Variants in ATRX observed in about 807,000 individuals in gnomAD.
ATRX encodes the protein chromatin remodeler ATRX.
ATRX carries 12 observed loss-of-function variants against 172.6 expected under a neutral mutation model. That is an observed-to-expected ratio of 0.07 (90% confidence interval 0.04 to 0.11). The LOEUF (loss-of-function observed/expected upper bound fraction) is 0.11. Ranked by LOEUF, ATRX falls within the 10% of genes least tolerant of loss-of-function variation. The pLI is 1.00. For missense variants in ATRX, 1,368 were observed against 1,767.4 expected (o/e 0.77, Z 4.05); for synonymous variants, 674 against 594.7 (o/e 1.13, Z -1.94).
intron 28 of ATRX, among the ~76,000 whole-genome samples, chrX:77,572,370 A>T (rs1440385687): frequency 9.0e-6 from 1 of 111,525 alleles, no homozygotes; most frequent in Non-Finnish European, 1.9e-5. Context: ...CAAAAATCTG[A>T]AAAAAATCCC....
intron 10 of ATRX, 151 bp downstream of exon 10, chrX:77,676,071 CCTTT>C (rs2070847678): frequency 2.2e-6 from 1 of 446,339 alleles, no homozygotes; most frequent in Admixed American, 3.8e-5. Flanking sequence ...CATTTTCTGG[CCTTT>C]CTTTCAAACT....
intron 25 of ATRX, chrX:77,595,450 A>T (rs999953559): frequency 8.9e-6 from 1 of 112,019 alleles, no homozygotes; most frequent in African/African-American, 3.2e-5. Flanking sequence ...ACCATAAAGT[A>T]TGTGAGGTGA....
Position 77,717,111 on chromosome X carries a change from C to T in ATRX, c.133+20G>A. Reference sequence around the variant, plus strand: ...ATAGAAAAAAGACTAGAAGGTATAGCACATTCTTTTTCAATTTACCTGTGT... The same window carrying T: ...ATAGAAAAAAGACTAGAAGGTATAGTACATTCTTTTTCAATTTACCTGTGT... On this transcript the variant is annotated intron_variant, in intron 2 of 34. Transcript: ENST00000373344. The T allele has an allele frequency of 1.8e-6, 2 of 1,138,979 alleles. No homozygotes were observed. Among genetic ancestry groups the T allele is most frequent in the Non-Finnish European group, 2.4e-6 (2 of 830,599 alleles). 93.9% of individuals were successfully genotyped at this position (1,138,979 alleles called of 1,213,427 possible). A position where few individuals can be genotyped will look rare whatever the true frequency, so the allele number is the denominator to read the frequency against.
rs1403380558 is a variant in ATRX at position 77,671,185 on chromosome X, T to TATATA, written c.3809+5036_3809+5040dup. Among the ~76,000 whole-genome samples the TATATA allele has an allele frequency of 3.5e-5, 3 of 85,951 alleles. No individual in the cohort carries two copies. In the Admixed American group the frequency reaches 4.2e-4, roughly 12 times the overall value. The allele number at this position is 85,951 out of a possible 115,157, so 74.6% of individuals were successfully genotyped here. A position where few individuals can be genotyped will look rare whatever the true frequency, so the allele number is the denominator to read the frequency against. On this transcript the variant is annotated intron_variant, in intron 10 of 34. Coordinates refer to ENST00000373344, the MANE Select transcript of ATRX (RefSeq NM_000489.6). Reference sequence around the variant, plus strand: ...AAAAAAAAATATATATATATATATATATATATATATAAAACTAAGGCATAA... The same window carrying TATATA: ...AAAAAAAAATATATATATATATATATATATAATATATATATAAAACTAAGGCATAA...
chrX:77,565,486 C>T (rs782705563), intron 28 of ATRX, among the ~76,000 whole-genome samples: 2 of 111,639 alleles, frequency 1.8e-5, no homozygotes, highest in East Asian at 5.6e-4. Flanking sequence ...GCCTCATAAG[C>T]AATTATTAAC....
At chrX:77,694,841 G>A (rs782394279) in intron 5 of ATRX, among the ~76,000 whole-genome samples, 11 of 87,511 alleles carry the variant, frequency 1.3e-4, no homozygotes, top group African/African-American at 4.9e-4. Context: ...TATTCAACAA[G>A]CAAATTTTGA....
intron 12 of ATRX, among the ~76,000 whole-genome samples, chrX:77,660,162 T>C (rs1402657645): frequency 8.9e-6 from 1 of 112,070 alleles, no homozygotes; most frequent in African/African-American, 3.2e-5. Flanking sequence ...AAATCAATAT[T>C]GCCCCTTTTG....
chrX:77,774,083 G>A (rs782260445), intron 1 of ATRX, among the ~76,000 whole-genome samples: 3 of 110,482 alleles, frequency 2.7e-5, no homozygotes, highest in South Asian at 3.8e-4. Flanking sequence ...TTAGCCGTGC[G>A]TGGTGGGGCA....
chrX:77,678,221 C>CA (rs1313220025), intron 9 of ATRX, among the ~76,000 whole-genome samples: 61 of 52,694 alleles, frequency 1.2e-3, no homozygotes, highest in African/African-American at 2.0e-3. Context: ...GACTTCAACT[C>CA]AAAAAAAAAA....
intron 30 of ATRX, among the ~76,000 whole-genome samples, chrX:77,538,230 A>AACAC (rs34675782): frequency 0.048 from 4,566 of 95,906 alleles, 236 homozygotes; most frequent in African/African-American, 0.15. Flanking sequence ...TACACACACA[A>AACAC]ACACACACAC....
At chrX:77,546,105 C>T (rs1602474677) in intron 30 of ATRX, among the ~76,000 whole-genome samples, 1 of 111,534 alleles carries the variant, frequency 9.0e-6, no homozygotes, top group East Asian at 2.8e-4. Flanking sequence ...CAAGCTTAAT[C>T]ATATAGAATA....
At chrX:77,775,235 C>A (rs918005061) in intron 1 of ATRX, among the ~76,000 whole-genome samples, 18 of 111,551 alleles carry the variant, frequency 1.6e-4, no homozygotes, top group Non-Finnish European at 3.0e-4. Context: ...CTGGATGAAG[C>A]ACATCTGAGA....
chrX:77,510,659 C>A (rs782744044), intron 34 of ATRX, among the ~76,000 whole-genome samples: 1 of 111,952 alleles, frequency 8.9e-6, no homozygotes, highest in South Asian at 3.7e-4. Flanking sequence ...CCAGGCAATA[C>A]CTGCTGTGGG....
In ATRX at chrX:77,664,726, C is replaced by T. The variant is rs781807770; in HGVS notation, c.3862G>A (p.Glu1288Lys). The T allele has an allele frequency of 8.3e-7, 1 of 1,208,598 alleles. No homozygotes were observed. The highest frequency in any genetic ancestry group is 1.1e-6 in the Non-Finnish European group (1 of 893,205). ...EEIKANLSSDEDGSSDDEPEE... is the reference protein window; with the variant it reads ...EEIKANLSSDKDGSSDDEPEE... ...GGCTCATCATCTGAAGATCCATCCT[C>T]ATCAGAGGAAAGATTGGCTTTAATT... is the stretch of plus-strand genomic sequence containing the variant. Residue 1288 changes from glutamate to lysine, a missense_variant, in exon 11 of 35, where the codon GAG (glutamate) becomes AAG (lysine). Physicochemically the swap from Glu to Lys is moderately conservative, Grantham distance 56. This residue lies in a region of ATRX where 119 missense variants were observed against 131.3 expected (regional missense o/e 0.91). Transcript: ENST00000373344.
chrX:77,642,653 AAAAAAAC>A (rs1251644098), intron 15 of ATRX, among the ~76,000 whole-genome samples: 13 of 110,180 alleles, frequency 1.2e-4, no homozygotes, highest in Non-Finnish European at 2.5e-4. Flanking sequence ...TGTCTCCAAA[AAAAAAAC>A]AAAAAAAAAA....
At chrX:77,762,354 AT>A (rs1169907876) in intron 1 of ATRX, among the ~76,000 whole-genome samples, 1 of 106,576 alleles carries the variant, frequency 9.4e-6, no homozygotes, top group Non-Finnish European at 1.9e-5. Flanking sequence ...ACTAGAAGAG[AT>A]TTTTTTTAAA....
At chrX:77,785,790 T>G (rs782150113) in intron 1 of ATRX, 192 bp downstream of exon 1, 1 of 20,404 alleles carries the variant, frequency 4.9e-5, no homozygotes, top group Non-Finnish European at 8.9e-5. Flanking sequence ...CCCCACCCCA[T>G]CCCCACCCCC....
intron 10 of ATRX, among the ~76,000 whole-genome samples, chrX:77,670,013 G>A (rs1248686131): frequency 9.0e-6 from 1 of 111,613 alleles, no homozygotes; most frequent in East Asian, 2.8e-4. Flanking sequence ...TTTTAAAGAT[G>A]ATAAAAGGAG....
At chrX:77,696,935 G>A (rs1424104521) in intron 4 of ATRX, among the ~76,000 whole-genome samples, 1 of 111,711 alleles carries the variant, frequency 9.0e-6, no homozygotes, top group Middle Eastern at 4.2e-3. Context: ...GGAGACCCTG[G>A]AGGACACTCT....
Sources: gnomAD v4.1 joint callset for allele counts (sites outside exome capture counted in the v4.1 genomes callset) on GRCh38, gnomAD v4.1.1 for gene constraint, gnomAD v4.1.1 regional missense constraint, MANE v1.5 for transcripts, NCBI Gene and HGNC (gene_info 2026-07-23, HGNC 2026-07-21) for gene names.